Variants in RSAD2 observed in about 807,000 individuals in gnomAD.
RSAD2 encodes S-adenosylmethionine-dependent nucleotide dehydratase RSAD2.
RSAD2 carries 38 observed loss-of-function variants against 37.7 expected under a neutral mutation model. That is an observed-to-expected ratio of 1.01 (90% CI 0.78 to 1.32). The LOEUF (loss-of-function observed/expected upper bound fraction) is 1.32. Ranked by LOEUF, RSAD2 falls within the 40% of genes most tolerant of loss-of-function variation. The pLI is 0.00. For synonymous variants in RSAD2, 163 were observed against 157.4 expected (o/e 1.04, Z -0.27); for missense variants, 428 against 437.5 (o/e 0.98, Z 0.19).
chr2:6,888,571 G>A (rs1663568335), intron 3 of RSAD2, among the ~76,000 whole-genome samples: 2 of 152,102 alleles, frequency 1.3e-5, no homozygotes, highest in South Asian at 4.1e-4. Context: ...CTCTTTTGGT[G>A]TCCTTTTTTC....
At chr2:6,889,594 C>A (rs12991466) in intron 3 of RSAD2, among the ~76,000 whole-genome samples, 100,251 of 152,050 alleles carry the variant, frequency 0.66, 33,924 homozygotes, top group East Asian at 0.75. Flanking sequence ...AGTCTCTTCA[C>A]TTCTTGCCTT....
At chr2:6,889,043 G>T (rs1156771472) in intron 3 of RSAD2, among the ~76,000 whole-genome samples, 2 of 152,166 alleles carry the variant, frequency 1.3e-5, no homozygotes, top group Non-Finnish European at 2.9e-5. Context: ...CCTCAATATT[G>T]TTCCCCTTCC....
upstream of RSAD2, chr2:6,877,065 A>C (rs1663294356): frequency 6.6e-6 from 1 of 152,234 alleles, no homozygotes. Flanking sequence ...AAAACTGTAA[A>C]GGTAAATAAA....
At chr2:6,889,929 CTCAA>C (rs1206345682) in intron 3 of RSAD2, among the ~76,000 whole-genome samples, 4 of 152,132 alleles carry the variant, frequency 2.6e-5, no homozygotes, top group Admixed American at 2.6e-4. Context: ...AAATTTATGA[CTCAA>C]TCAAACATAA....
chr2:6,869,882 G>A (rs1401860412), intron 1 of RSAD2, among the ~76,000 whole-genome samples: 3 of 152,200 alleles, frequency 2.0e-5, no homozygotes, highest in Non-Finnish European at 2.9e-5. Context: ...GAGGTCACAC[G>A]AGTACTGTGA....
chr2:6,866,063 C>T (rs1663079709), intron 1 of RSAD2: 1 of 284,926 alleles, frequency 3.5e-6, no homozygotes, highest in Non-Finnish European at 6.5e-6. Context: ...CGTGTGCGTT[C>T]TGCGGGTGGC....
In RSAD2 at chr2:6,886,307, A is replaced by T. The variant is rs199733074; in HGVS notation, c.509-628A>T. 7.2e-5 allele frequency among the ~76,000 whole-genome samples: 11 copies of T among 152,344 alleles called. No individual in the cohort carries two copies. In the East Asian group the frequency reaches 1.9e-3, roughly 27 times the overall value. On this transcript the variant is annotated intron_variant, in intron 2 of 5. Transcript: ENST00000382040. ...ACACTTGCTGTGCTCCCAAAACGAC[A>T]CGCTGTCACAGCTCTTCACATACCA...
intron 4 of RSAD2, among the ~76,000 whole-genome samples, chr2:6,892,467 C>A (rs905065233): frequency 1.3e-5 from 2 of 152,138 alleles, no homozygotes; most frequent in African/African-American, 2.4e-5. Flanking sequence ...GGACTGTTAA[C>A]CCTTTGACTC....
intron 2 of RSAD2, 129 bp downstream of exon 2, chr2:6,883,661 G>C: frequency 9.7e-7 from 1 of 1,028,072 alleles, no homozygotes; most frequent in South Asian, 1.6e-5. Context: ...AACTAATCTT[G>C]CTTACTCTAA....
chr2:6,870,903 C>G (rs1256594815), intron 1 of RSAD2, among the ~76,000 whole-genome samples: 3 of 152,276 alleles, frequency 2.0e-5, no homozygotes, highest in African/African-American at 7.2e-5. Context: ...GCTGGATTTA[C>G]GAGCCAAAAT....
chr2:6,893,185 A>G (rs1663665427), intron 4 of RSAD2, among the ~76,000 whole-genome samples: 1 of 152,238 alleles, frequency 6.6e-6, no homozygotes, highest in Admixed American at 6.5e-5. Flanking sequence ...CTATATACCT[A>G]TAGAAGTCAT....
At chr2:6,895,080 G>A (rs536087870) in intron 5 of RSAD2, among the ~76,000 whole-genome samples, 3 of 147,234 alleles carry the variant, frequency 2.0e-5, no homozygotes, top group South Asian at 2.2e-4. Context: ...AGTGTAGGTC[G>A]TAAGGAGTGT....
upstream of RSAD2, chr2:6,877,764 G>A (rs776639983): frequency 2.2e-5 from 33 of 1,492,642 alleles, no homozygotes; most frequent in East Asian, 7.5e-4. Context: ...AGAGTCCCTG[G>A]CATACAGAGA....
Position 6,895,866 on chromosome 2 carries a change from G to C in RSAD2, c.1010G>C (p.Gly337Ala). 6.2e-7 allele frequency: 1 copy of C among 1,614,146 alleles called. No homozygotes were observed. The highest frequency in any genetic ancestry group is 8.5e-7 in the Non-Finnish European group (1 of 1,179,984). Residue 337 changes from glycine (G) to alanine (A), a missense_variant, in exon 6 of 6, where the codon GGA becomes GCA. By Grantham distance (60) the Gly-to-Ala change is moderately conservative. Transcript: ENST00000382040. Reference protein sequence around the residue: ...VGVEEAIKFSGFDEKMFLKRG... With the variant: ...VGVEEAIKFSAFDEKMFLKRG... ...GTAGAAGAAGCTATAAAATTCAGTGGATTTGATGAAAAGATGTTTCTGAAG... is the reference window on the plus strand; with the variant it reads ...GTAGAAGAAGCTATAAAATTCAGTGCATTTGATGAAAAGATGTTTCTGAAG...
At chr2:6,891,628 G>A (rs1205449365) in intron 4 of RSAD2, among the ~76,000 whole-genome samples, 3 of 152,078 alleles carry the variant, frequency 2.0e-5, no homozygotes, top group African/African-American at 7.2e-5. Flanking sequence ...TTAGCCGGGC[G>A]TGGTTGCGGG....
chr2:6,869,562 A>G (rs957963879), intron 1 of RSAD2, among the ~76,000 whole-genome samples: 1 of 152,236 alleles, frequency 6.6e-6, no homozygotes, highest in Non-Finnish European at 1.5e-5. Context: ...ATTTGTGTAC[A>G]ATCACTAACA....
chr2:6,887,202 G>T (rs1350693645), intron 3 of RSAD2, 38 bp downstream of exon 3: 2 of 1,495,460 alleles, frequency 1.3e-6, no homozygotes, highest in Admixed American at 1.7e-5. Context: ...TTTCCTTCAA[G>T]AAAACTTTCA....
chr2:6,879,522 G>A (rs1419628094), intron 1 of RSAD2, among the ~76,000 whole-genome samples: 1 of 152,054 alleles, frequency 6.6e-6, no homozygotes, highest in Non-Finnish European at 1.5e-5. Flanking sequence ...TAGAATGTCT[G>A]TCCTCAAATC....
chr2:6,878,842 C>T (rs1663341226), intron 1 of RSAD2: 2 of 1,222,008 alleles, frequency 1.6e-6, no homozygotes, highest in Admixed American at 2.6e-5. Flanking sequence ...CTAGTAACTT[C>T]AGCAACATCT....
Sources: allele counts gnomAD v4.1 joint callset (sites outside exome capture counted in the v4.1 genomes callset), GRCh38; gene constraint gnomAD v4.1.1; transcripts MANE v1.5; gene names NCBI Gene and HGNC (gene_info 2026-07-23, HGNC 2026-07-21).